SLC71A2: variants seen among roughly 807,000 people sequenced by gnomAD.
The protein encoded by SLC71A2 is hippocampus abundant transcript-like 1.
At chr9:94,396,682 A>G in the SLC71A2 span, among the ~76,000 whole-genome samples, 3 of 152,216 alleles carry the variant, frequency 2.0e-5, no homozygotes, top group African/African-American at 7.2e-5. Flanking sequence ...ATGAACAAGC[A>G]CTGCTAAATA....
the SLC71A2 span, among the ~76,000 whole-genome samples, chr9:94,450,391 A>T: frequency 6.6e-6 from 1 of 152,128 alleles, no homozygotes; most frequent in Non-Finnish European, 1.5e-5. Flanking sequence ...GTGTCCCTGG[A>T]AGCAAGACAC....
chr9:94,455,378 A>ATT, the SLC71A2 span, among the ~76,000 whole-genome samples: 4,310 of 85,584 alleles, frequency 0.05, 391 homozygotes, highest in Non-Finnish European at 0.065. Flanking sequence ...TAATATTCTG[A>ATT]TTTTTTTTTT....
the SLC71A2 span, among the ~76,000 whole-genome samples, chr9:94,403,282 G>A: frequency 0.012 from 1,751 of 152,104 alleles, 39 homozygotes; most frequent in African/African-American, 0.039. Flanking sequence ...GATTACAGGC[G>A]CCCGCCACCA....
At chr9:94,451,436 TTTTCA>T in the SLC71A2 span, 5,005 of 1,340,898 alleles carry the variant, frequency 3.7e-3, 132 homozygotes, top group African/African-American at 0.065. Flanking sequence ...TACTAAAGTG[TTTTCA>T]TTTCATTTCC....
the SLC71A2 span, chr9:94,438,492 C>T: frequency 1.2e-6 from 2 of 1,613,718 alleles, no homozygotes; most frequent in South Asian, 1.1e-5. Context: ...GTATTCTTTA[C>T]CTGCTTCCCA....
At chr9:94,459,634 A>C in the SLC71A2 span, 5 of 484,212 alleles carry the variant, frequency 1.0e-5, no homozygotes, top group Non-Finnish European at 1.8e-5. Context: ...ACAAGATAAG[A>C]TTTGAAATAC....
At chr9:94,409,726 AG>A in the SLC71A2 span, among the ~76,000 whole-genome samples, 1 of 151,892 alleles carries the variant, frequency 6.6e-6, no homozygotes, top group Non-Finnish European at 1.5e-5. Flanking sequence ...TCTGTTATTT[AG>A]GAGTATGTTT....
chr9:94,377,239 C>T, the SLC71A2 span, among the ~76,000 whole-genome samples: 1 of 152,054 alleles, frequency 6.6e-6, no homozygotes, highest in South Asian at 2.1e-4. Context: ...CCTATAGCCC[C>T]TATATGAATT....
At chr9:94,447,868 C>A in the SLC71A2 span, among the ~76,000 whole-genome samples, 1 of 152,156 alleles carries the variant, frequency 6.6e-6, no homozygotes, top group African/African-American at 2.4e-5. Flanking sequence ...AACCACTGAT[C>A]TCTTTATTGT....
At chr9:94,406,485 T>A in the SLC71A2 span, among the ~76,000 whole-genome samples, 3 of 152,196 alleles carry the variant, frequency 2.0e-5, no homozygotes, top group African/African-American at 7.2e-5. Context: ...ATGATCTGCC[T>A]GCCCCAGCTT....
the SLC71A2 span, among the ~76,000 whole-genome samples, chr9:94,431,140 C>T: frequency 1.3e-5 from 2 of 152,084 alleles, no homozygotes; most frequent in Non-Finnish European, 2.9e-5. Flanking sequence ...GGTGAAACTC[C>T]ATCTCTACCA....
chr9:94,409,010 T>A, the SLC71A2 span, among the ~76,000 whole-genome samples: 7 of 151,780 alleles, frequency 4.6e-5, no homozygotes, highest in Admixed American at 4.6e-4. Context: ...TTATTTTTAA[T>A]TTTTAGTAGA....
the SLC71A2 span, among the ~76,000 whole-genome samples, chr9:94,406,066 A>ATTTTTTTTTT: frequency 5.3e-4 from 34 of 63,616 alleles, 4 homozygotes; most frequent in African/African-American, 1.7e-3. Flanking sequence ...TGCAACTTGA[A>ATTTTTTTTTT]TTTTTTTTTT....
At chr9:94,396,458 T>C in the SLC71A2 span, among the ~76,000 whole-genome samples, 1 of 152,186 alleles carries the variant, frequency 6.6e-6, no homozygotes, top group African/African-American at 2.4e-5. Context: ...GAGGTTGCAG[T>C]GAGGTGAGAT....
the SLC71A2 span, chr9:94,375,048 T>C: frequency 4.9e-6 from 3 of 608,316 alleles, no homozygotes; most frequent in Non-Finnish European, 6.9e-6. Flanking sequence ...TCGGTCCTTT[T>C]CTGGGGGGGG....
the SLC71A2 span, among the ~76,000 whole-genome samples, chr9:94,434,776 A>G: frequency 6.6e-6 from 1 of 152,206 alleles, no homozygotes; most frequent in African/African-American, 2.4e-5. Flanking sequence ...ACTTTCTAAG[A>G]GATAGGTACT....
the SLC71A2 span, chr9:94,438,418 G>C: frequency 6.2e-7 from 1 of 1,613,966 alleles, no homozygotes; most frequent in South Asian, 1.1e-5. Context: ...TCTCTTTTTT[G>C]AGTGCCCCAC....
At chr9:94,445,319 A>C in the SLC71A2 span, 1 of 677,480 alleles carries the variant, frequency 1.5e-6, no homozygotes. Flanking sequence ...AATTAATTGC[A>C]AGTAAGGGAT....
chr9:94,440,119 T>C, the SLC71A2 span, among the ~76,000 whole-genome samples: 16 of 152,286 alleles, frequency 1.1e-4, no homozygotes, highest in East Asian at 3.1e-3. Context: ...TTTTATTTGA[T>C]GACTTTATAG....
Sources: allele counts gnomAD v4.1 joint callset (sites outside exome capture counted in the v4.1 genomes callset), GRCh38; gene constraint gnomAD v4.1.1; transcripts MANE v1.5; gene names NCBI Gene and HGNC (gene_info 2026-07-23, HGNC 2026-07-21).